AARS1: variants seen among roughly 807,000 people sequenced by gnomAD.
AARS1 encodes the protein alanine--tRNA ligase, cytoplasmic.
AARS1 carries 72 observed loss-of-function variants against 108.9 expected under a neutral mutation model. The ratio of observed to expected loss-of-function variants is 0.66; its 90% confidence interval spans 0.55 to 0.80. The LOEUF (loss-of-function observed/expected upper bound fraction) is 0.80, where lower values mean the gene tolerates loss of function less well. Among genes scored for constraint, AARS1 ranks in the 30% least tolerant of loss-of-function variants. The pLI, the probability that AARS1 is intolerant of heterozygous loss-of-function variation, is 0.00. For missense variants in AARS1, 1,193 were observed against 1,233.2 expected (o/e 0.97, Z 0.49); for synonymous variants, 489 against 465.7 (o/e 1.05, Z -0.64).
chr16:70,284,187 T>A (rs916281812), intron 1 of AARS1, among the ~76,000 whole-genome samples: 13 of 151,738 alleles, frequency 8.6e-5, no homozygotes, highest in Admixed American at 8.5e-4. Flanking sequence ...GCGCCTGTAG[T>A]CCCAGCTACT....
chr16:70,264,986 A>T lies in AARS1; in HGVS notation c.1464T>A (p.Asn488Lys). The change falls in exon 11 of 21, where the codon AAT (asparagine) becomes AAA (lysine). Residue 488 changes from asparagine to lysine, a missense_variant. Coordinates refer to ENST00000261772, the MANE Select transcript of AARS1 (RefSeq NM_001605.3). ...LEVTDDSPKY[N>K]YHLDSSGSYV... ...AGCTACCACTGGAGTCCAAATGGTAATTGTACTTTGGGGAATCATCTGTGA... is the reference window on the plus strand; with the variant it reads ...AGCTACCACTGGAGTCCAAATGGTATTTGTACTTTGGGGAATCATCTGTGA... 1 of 1,614,070 alleles carries T rather than the reference A, an allele frequency of 6.2e-7. No individual in the cohort carries two copies. The highest frequency in any genetic ancestry group is 8.5e-7 in the Non-Finnish European group (1 of 1,179,994).
intron 11 of AARS1, 86 bp from the exon 12 acceptor site, chr16:70,262,610 T>C: frequency 2.3e-6 from 3 of 1,318,644 alleles, no homozygotes; most frequent in Non-Finnish European, 3.1e-6. Context: ...GGATTCTCTT[T>C]CGCAAACTCT....
At chr16:70,275,897 A>G (rs1369064765) in intron 4 of AARS1, among the ~76,000 whole-genome samples, 1 of 132,350 alleles carries the variant, frequency 7.6e-6, no homozygotes, top group Non-Finnish European at 1.5e-5. Context: ...AGATCACGCC[A>G]CTGCACTCCA....
intron 2 of AARS1, among the ~76,000 whole-genome samples, chr16:70,281,312 A>G (rs1183121038): frequency 6.6e-6 from 1 of 152,158 alleles, no homozygotes; most frequent in African/African-American, 2.4e-5. Flanking sequence ...GGATTACTTG[A>G]GGCCATGAGC....
At position 70,269,849 on chromosome 16, in the gene AARS1, A is replaced by G. The variant is rs533390668; in HGVS notation, c.817-86T>C. 4 of 1,549,612 alleles carry G rather than the reference A, an allele frequency of 2.6e-6. No homozygotes were observed. The East Asian group carries it at 9.0e-5, about 35-fold the overall frequency. On this transcript the variant is annotated intron_variant, in intron 6 of 20. Transcript: ENST00000261772. ...CAAGGAGGTTCCTGGAGGATTGAGG[A>G]GCATTAGCAGAAAGGATGCCGGTCT... is the stretch of plus-strand genomic sequence containing the variant.
chr16:70,283,266 G>A (rs942004048), intron 1 of AARS1, among the ~76,000 whole-genome samples: 2 of 152,052 alleles, frequency 1.3e-5, no homozygotes, highest in Non-Finnish European at 2.9e-5. Context: ...GCATGGTGGT[G>A]CGTGCCTGTA....
chr16:70,287,850 C>T (rs1431420211), intron 1 of AARS1, among the ~76,000 whole-genome samples: 1 of 151,964 alleles, frequency 6.6e-6, no homozygotes, highest in Non-Finnish European at 1.5e-5. Flanking sequence ...ACCGCAATCT[C>T]CACCTCCCGG....
At chr16:70,268,483 T>C (rs752414318) in intron 7 of AARS1, 104 bp from the exon 8 acceptor site, 6 of 920,420 alleles carry the variant, frequency 6.5e-6, no homozygotes, top group Non-Finnish European at 6.9e-6. Flanking sequence ...AACTTTCTTT[T>C]ATCCTAAGCC....
intron 10 of AARS1, 98 bp downstream of exon 10, chr16:70,265,440 C>A (rs997041622): frequency 1.3e-6 from 2 of 1,584,036 alleles, no homozygotes; most frequent in African/African-American, 2.7e-5. Flanking sequence ...AAAAGCACTT[C>A]AAAGACTTTA....
chr16:70,288,642 C>T (rs986038164), intron 1 of AARS1, among the ~76,000 whole-genome samples: 14 of 148,674 alleles, frequency 9.4e-5, no homozygotes, highest in African/African-American at 2.5e-5. Flanking sequence ...TCTCAGCTCA[C>T]TGCAACCTCC....
chr16:70,265,029 C>T lies in AARS1; in HGVS notation c.1421G>A (p.Arg474Gln), dbSNP rs202036345. Reference protein sequence around the residue: ...MLDIYAIEELRARGLEVTDDS... With the variant: ...MLDIYAIEELQARGLEVTDDS... ...ATCTGTGACCTCCAGACCCCGTGCC[C>T]GGAGCTCTTCGATAGCGTAAATGTC... The change falls in exon 11 of 21, where the codon CGG becomes CAG. Residue 474 changes from arginine (R) to glutamine (Q), a missense_variant. Physicochemically the swap from Arg to Gln is conservative, Grantham distance 43. Coordinates refer to ENST00000261772, the MANE Select transcript of AARS1 (RefSeq NM_001605.3). 2.1e-5 allele frequency: 34 copies of T among 1,614,112 alleles called. No homozygotes were observed. The East Asian group carries it at 5.8e-4, about 28-fold the overall frequency.
At chr16:70,263,905 G>T (rs1294113155) in intron 11 of AARS1, among the ~76,000 whole-genome samples, 1 of 152,072 alleles carries the variant, frequency 6.6e-6, no homozygotes, top group Non-Finnish European at 1.5e-5. Flanking sequence ...CCGAAGTGCT[G>T]GGATTACAGG....
At chr16:70,253,629 A>C in intron 19 of AARS1, 85 bp downstream of exon 19, 4 of 1,478,170 alleles carry the variant, frequency 2.7e-6, no homozygotes, top group Non-Finnish European at 3.7e-6. Flanking sequence ...TTAGGCAACC[A>C]CTTCGCTCAG....
At chr16:70,259,336 G>T in intron 13 of AARS1, 150 bp from the exon 14 acceptor site, 1 of 816,744 alleles carries the variant, frequency 1.2e-6, no homozygotes, top group Non-Finnish European at 2.0e-6. Flanking sequence ...ATGGCTAAGT[G>T]TGTCCATGTG....
chr16:70,258,336 C>A (rs1426789505), intron 14 of AARS1, 119 bp from the exon 15 acceptor site: 17 of 1,089,000 alleles, frequency 1.6e-5, no homozygotes, highest in Non-Finnish European at 2.2e-5. Flanking sequence ...TGGCCTAGCA[C>A]GTGCCATGAG....
At chr16:70,278,789 C>CA (rs1309487202) in intron 2 of AARS1, among the ~76,000 whole-genome samples, 3 of 151,652 alleles carry the variant, frequency 2.0e-5, no homozygotes, top group Non-Finnish European at 4.4e-5. Context: ...TGCCTAATAT[C>CA]ATTTCAAATT....
At chr16:70,253,866 C>T in intron 18 of AARS1, 53 bp downstream of exon 18, 2 of 1,614,248 alleles carry the variant, frequency 1.2e-6, no homozygotes, top group Non-Finnish European at 1.7e-6. Flanking sequence ...CCTGGCTGTT[C>T]TGCCAGCCTT....
Position 70,254,662 on chromosome 16 carries a change from G to C in AARS1, c.2359C>G (p.Pro787Ala), listed in dbSNP as rs1448748146. The C allele has an allele frequency of 1.2e-6, 2 of 1,613,964 alleles. No homozygotes were observed. The highest frequency in any genetic ancestry group is 1.7e-6 in the Non-Finnish European group (2 of 1,179,986). The change falls in exon 17 of 21, where the codon CCA becomes GCA. Residue 787 changes from proline (P) to alanine (A), a missense_variant. Physicochemically the swap from Pro to Ala is conservative, Grantham distance 27. Coordinates refer to ENST00000261772, the MANE Select transcript of AARS1 (RefSeq NM_001605.3). The part of the protein sequence containing the change: ...MEAKVKAQTA[P>A]NKDVQREIAD... ...ATCTCCCTCTGCACATCCTTGTTTGGAGCAGTCTGAGCCTTCACTTTGGCT... is the reference window on the plus strand; with the variant it reads ...ATCTCCCTCTGCACATCCTTGTTTGCAGCAGTCTGAGCCTTCACTTTGGCT...
At chr16:70,281,743 T>C (rs1048128067) in intron 2 of AARS1, among the ~76,000 whole-genome samples, 2 of 152,156 alleles carry the variant, frequency 1.3e-5, no homozygotes, top group African/African-American at 4.8e-5. Context: ...TCCTAGCTAC[T>C]TGGAAGGCTG....
Sources: allele counts gnomAD v4.1 joint callset (sites outside exome capture counted in the v4.1 genomes callset), GRCh38; gene constraint gnomAD v4.1.1; transcripts MANE v1.5; gene names NCBI Gene and HGNC (gene_info 2026-07-23, HGNC 2026-07-21).